Variants in THSD7A observed in about 807,000 individuals in gnomAD.
THSD7A encodes the protein thrombospondin type-1 domain-containing protein 7A.
THSD7A carries 96 observed loss-of-function variants against 231.3 expected under a neutral mutation model. That is an observed-to-expected ratio of 0.41 (90% CI 0.35 to 0.49). The LOEUF is 0.49. Among genes scored for constraint, THSD7A ranks in the 20% least tolerant of loss-of-function variants. The pLI is 0.05. For missense variants in THSD7A, 2,290 were observed against 2,070.2 expected, an observed-to-expected ratio of 1.11 and a Z score of -2.06; for synonymous variants, 940 against 743.3, an observed-to-expected ratio of 1.26 and a Z score of -4.30.
intron 1 of THSD7A, among the ~76,000 whole-genome samples, chr7:11,816,839 G>T (rs1223494735): frequency 6.6e-6 from 1 of 152,058 alleles, no homozygotes; most frequent in African/African-American, 2.4e-5. Context: ...GTAAAATTAT[G>T]AAGTCCTGTG....
intron 1 of THSD7A, among the ~76,000 whole-genome samples, chr7:11,665,639 C>T (rs976021171): frequency 5.3e-5 from 8 of 152,076 alleles, no homozygotes; most frequent in Non-Finnish European, 8.8e-5. Flanking sequence ...ATACCCTTTA[C>T]TAGCGTGAGC....
intron 6 of THSD7A, among the ~76,000 whole-genome samples, chr7:11,534,664 T>G (rs6967850): frequency 1.5e-3 from 221 of 151,964 alleles, no homozygotes; most frequent in African/African-American, 4.8e-3. Flanking sequence ...GTCTGAGAGG[T>G]GGAAAGAGAA....
At chr7:11,397,155 T>C (rs1583666535) in intron 23 of THSD7A, among the ~76,000 whole-genome samples, 1 of 151,440 alleles carries the variant, frequency 6.6e-6, no homozygotes, top group East Asian at 2.0e-4. Context: ...GCTATTTATG[T>C]CAAACCCACA....
At chr7:11,800,698 A>G (rs1027541655) in intron 1 of THSD7A, among the ~76,000 whole-genome samples, 1 of 152,186 alleles carries the variant, frequency 6.6e-6, no homozygotes, top group African/African-American at 2.4e-5. Flanking sequence ...AGAAGCAGAG[A>G]ATAGAATTTT....
intron 1 of THSD7A, among the ~76,000 whole-genome samples, chr7:11,678,244 A>T (rs749726552): frequency 4.6e-5 from 7 of 152,206 alleles, no homozygotes; most frequent in Non-Finnish European, 8.8e-5. Context: ...AGAAAGCAGG[A>T]AAGATGTAAA....
chr7:11,643,602 C>T (rs1201566418), intron 1 of THSD7A, among the ~76,000 whole-genome samples: 2 of 99,274 alleles, frequency 2.0e-5, no homozygotes, highest in Admixed American at 9.7e-5. Flanking sequence ...CACGCACGCG[C>T]GCACACACAC....
At chr7:11,675,656 A>C (rs1162851527) in intron 1 of THSD7A, among the ~76,000 whole-genome samples, 1 of 152,192 alleles carries the variant, frequency 6.6e-6, no homozygotes, top group Non-Finnish European at 1.5e-5. Context: ...CAGGAAGTTC[A>C]CACTGGGCAG....
chr7:11,667,732 G>C (rs1158832387), intron 1 of THSD7A, among the ~76,000 whole-genome samples: 1 of 152,000 alleles, frequency 6.6e-6, no homozygotes, highest in Non-Finnish European at 1.5e-5. Flanking sequence ...ATGAAATTGA[G>C]AGTTACGTAT....
At chr7:11,422,310 T>C (rs1208510399) in intron 16 of THSD7A, among the ~76,000 whole-genome samples, 1 of 152,130 alleles carries the variant, frequency 6.6e-6, no homozygotes, top group Non-Finnish European at 1.5e-5. Flanking sequence ...AGAGTGTAAT[T>C]GAATAAATTT....
chr7:11,445,282 T>A (rs1303881226), intron 13 of THSD7A, among the ~76,000 whole-genome samples: 1 of 152,066 alleles, frequency 6.6e-6, no homozygotes, highest in Non-Finnish European at 1.5e-5. Flanking sequence ...TGTAAACTTC[T>A]TTCATTCCAT....
At chr7:11,456,709 G>A (rs1014096076) in intron 11 of THSD7A, among the ~76,000 whole-genome samples, 1 of 151,964 alleles carries the variant, frequency 6.6e-6, no homozygotes, top group South Asian at 2.1e-4. Context: ...ACTCAATTGT[G>A]CCTTGTATCA....
intron 6 of THSD7A, among the ~76,000 whole-genome samples, chr7:11,489,103 C>A (rs1174310393): frequency 6.6e-6 from 1 of 152,098 alleles, no homozygotes; most frequent in East Asian, 1.9e-4. Flanking sequence ...AACCTTCTGG[C>A]CAGAGAGTTT....
intron 13 of THSD7A, among the ~76,000 whole-genome samples, chr7:11,433,844 A>G (rs1450282490): frequency 6.6e-6 from 1 of 152,066 alleles, no homozygotes; most frequent in Non-Finnish European, 1.5e-5. Context: ...GGAAGGAGAT[A>G]CAAAACTTTT....
chr7:11,723,567 G>A (rs1015202481), intron 1 of THSD7A, among the ~76,000 whole-genome samples: 23 of 151,826 alleles, frequency 1.5e-4, no homozygotes, highest in African/African-American at 5.1e-4. Context: ...AGATATACCA[G>A]GCAAATTCAA....
chr7:11,517,559 CATA>C (rs1032761694), intron 6 of THSD7A, among the ~76,000 whole-genome samples: 2 of 152,062 alleles, frequency 1.3e-5, no homozygotes, highest in African/African-American at 2.4e-5. Context: ...CCCAGCATAT[CATA>C]ATATTTTGAC....
intron 4 of THSD7A, among the ~76,000 whole-genome samples, chr7:11,557,131 G>A (rs1285292817): frequency 6.6e-6 from 1 of 151,782 alleles, no homozygotes; most frequent in Admixed American, 6.6e-5. Flanking sequence ...CAGTCCCACA[G>A]GTCTCTGAAA....
intron 13 of THSD7A, among the ~76,000 whole-genome samples, chr7:11,440,728 T>C (rs966439055): frequency 1.1e-4 from 17 of 152,018 alleles, no homozygotes; most frequent in Non-Finnish European, 2.2e-4. Flanking sequence ...AGATGAGGAA[T>C]TGCTTCTCAT....
chr7:11,781,545 C>T (rs1028035537), intron 1 of THSD7A, among the ~76,000 whole-genome samples: 2 of 152,154 alleles, frequency 1.3e-5, no homozygotes, highest in Admixed American at 1.3e-4. Flanking sequence ...TATTTAATAA[C>T]TTGTCCCCAG....
intron 4 of THSD7A, among the ~76,000 whole-genome samples, chr7:11,574,403 A>T (rs1790787699): frequency 6.6e-6 from 1 of 151,494 alleles, no homozygotes; most frequent in Non-Finnish European, 1.5e-5. Flanking sequence ...AAATGTATGG[A>T]TACCTTCCTG....
Sources: allele counts gnomAD v4.1 joint callset (sites outside exome capture counted in the v4.1 genomes callset), GRCh38; gene constraint gnomAD v4.1.1; transcripts MANE v1.5; gene names NCBI Gene and HGNC (gene_info 2026-07-23, HGNC 2026-07-21).